PRKAR1A: variants seen among roughly 807,000 people sequenced by gnomAD.
The protein encoded by PRKAR1A is cAMP-dependent protein kinase type I-alpha regulatory subunit.
PRKAR1A carries 3 observed loss-of-function variants against 52.0 expected under a neutral mutation model. The ratio of observed to expected loss-of-function variants is 0.06; its 90% CI spans 0.03 to 0.15. The LOEUF (loss-of-function observed/expected upper bound fraction) is 0.15, where lower values mean the gene tolerates loss of function less well. Among genes scored for constraint, PRKAR1A ranks in the 10% least tolerant of loss-of-function variants. PRKAR1A has a pLI of 1.00. For missense variants in PRKAR1A, 240 were observed against 477.4 expected (o/e 0.50, Z 4.63); for synonymous variants, 188 against 168.4 (o/e 1.12, Z -0.90).
chr17:68,549,525 T>G (rs1258007946), intron 11 of PRKAR1A, among the ~76,000 whole-genome samples: 3 of 152,080 alleles, frequency 2.0e-5, no homozygotes, highest in African/African-American at 7.2e-5. Context: ...AGACATCCTA[T>G]TGTGCCACAT....
chr17:68,514,464 C>G (rs898961362), intron 1 of PRKAR1A, among the ~76,000 whole-genome samples: 1 of 152,112 alleles, frequency 6.6e-6, no homozygotes, highest in African/African-American at 2.4e-5. Context: ...ACTTTTAATT[C>G]TAGGGTAAGG....
downstream of PRKAR1A, chr17:68,537,126 A>C (rs1237465060): frequency 4.1e-6 from 2 of 484,392 alleles, no homozygotes; most frequent in Admixed American, 2.3e-5. The surrounding 1 kb of genome is among the most constrained non-coding windows in gnomAD (Gnocchi z 4.2). Context: ...TCAGGTATCC[A>C]CTTGATGTCC....
downstream of PRKAR1A, chr17:68,536,347 C>A (rs2086095697): frequency 2.2e-6 from 1 of 454,018 alleles, no homozygotes; most frequent in Admixed American, 2.4e-5. Context: ...GGAATGAAGA[C>A]CTTACTGTCC....
In PRKAR1A at chr17:68,533,092, C is replaced by T. The variant is rs2086020648; in HGVS notation, c.*2643C>T. 1.9e-6 allele frequency: 2 copies of T among 1,065,134 alleles called. No homozygotes were observed. Among genetic ancestry groups the T allele is most frequent in the Non-Finnish European group, 1.1e-6 (1 of 879,310 alleles). 66.0% of individuals were successfully genotyped at this position (1,065,134 alleles called of 1,614,324 possible). A position where few individuals can be genotyped will look rare whatever the true frequency, so the allele number is the denominator to read the frequency against. ...AACTTTCCCAGACTTAATGGGGAAA[C>T]ATCATTTCTAGATTAGCATACTCTT... is the stretch of plus-strand genomic sequence containing the variant. On this transcript the variant is annotated 3_prime_UTR_variant, in exon 11 of 11. Coordinates refer to ENST00000589228, the MANE Select transcript of PRKAR1A (RefSeq NM_002734.5).
chr17:68,514,060 G>C (rs368715350), intron 1 of PRKAR1A, among the ~76,000 whole-genome samples: 1 of 152,040 alleles, frequency 6.6e-6, no homozygotes. Context: ...AAGTAAATGC[G>C]CGTTTTTGTT....
the PRKAR1A span, among the ~76,000 whole-genome samples, chr17:68,486,053 C>T: frequency 6.6e-6 from 1 of 152,030 alleles, no homozygotes; most frequent in South Asian, 2.1e-4. Context: ...TTTCAGTGAT[C>T]GAGCCCCACA....
At chr17:68,453,275 A>G in the PRKAR1A span, among the ~76,000 whole-genome samples, 1 of 152,224 alleles carries the variant, frequency 6.6e-6, no homozygotes, top group African/African-American at 2.4e-5. Context: ...CAAATCTAGC[A>G]GACATGTTTT....
intron 2 of PRKAR1A, 31 bp downstream of exon 2, chr17:68,515,607 G>A (rs1396228408): frequency 1.3e-6 from 2 of 1,596,658 alleles, no homozygotes; most frequent in Non-Finnish European, 8.6e-7. Context: ...ATGATGAGGT[G>A]ATTGTGACAG....
chr17:68,459,287 G>A, the PRKAR1A span, among the ~76,000 whole-genome samples: 1 of 152,156 alleles, frequency 6.6e-6, no homozygotes, highest in African/African-American at 2.4e-5. Flanking sequence ...TTCTGTCCTG[G>A]TTAGAAAACC....
At chr17:68,540,676 G>A (rs2086246101) in intron 11 of PRKAR1A, 1 of 806,294 alleles carries the variant, frequency 1.2e-6, no homozygotes, top group Admixed American at 2.0e-5. Context: ...TTTGAAGAGA[G>A]GGGAGCCTGT....
chr17:68,527,041 C>T (rs1308130477), intron 7 of PRKAR1A, among the ~76,000 whole-genome samples: 1 of 152,208 alleles, frequency 6.6e-6, no homozygotes, highest in African/African-American at 2.4e-5. Context: ...ATTTCCTCTA[C>T]AGGAATACTA....
the PRKAR1A span, among the ~76,000 whole-genome samples, chr17:68,479,982 A>G: frequency 6.6e-6 from 1 of 152,200 alleles, no homozygotes; most frequent in African/African-American, 2.4e-5. Flanking sequence ...TGAGAACAGC[A>G]TAAGGGTGAC....
chr17:68,499,380 GAGA>G, the PRKAR1A span, among the ~76,000 whole-genome samples: 1 of 146,770 alleles, frequency 6.8e-6, no homozygotes, highest in Non-Finnish European at 1.5e-5. Flanking sequence ...GAGAGAGAGA[GAGA>G]GAGAGAGAGA....
the PRKAR1A span, chr17:68,421,813 A>G: frequency 6.2e-7 from 1 of 1,614,210 alleles, no homozygotes; most frequent in South Asian, 1.1e-5. Context: ...TCCACGGCAC[A>G]AGATTATCTA....
rs745980273 is a variant in PRKAR1A at position 68,522,753 on chromosome 17, C to T, written c.178-3C>T. The T allele has an allele frequency of 5.6e-6, 9 of 1,614,022 alleles. No individual in the cohort carries two copies. The African/African-American group carries it at 1.1e-4, about 19-fold the overall frequency. ...CATTTTGCAAACTCGTAATTTCTTT[C>T]AGGAGGAGGCAAAACAGATTCAGAA... On this transcript the variant is annotated splice_polypyrimidine_tract_variant and splice_region_variant and intron_variant, in intron 2 of 10. Coordinates refer to ENST00000589228, the MANE Select transcript of PRKAR1A (RefSeq NM_002734.5).
the PRKAR1A span, among the ~76,000 whole-genome samples, chr17:68,480,335 A>G: frequency 6.6e-6 from 1 of 152,120 alleles, no homozygotes; most frequent in South Asian, 2.1e-4. Flanking sequence ...GGCCTGAGTT[A>G]TGGGAAGGAC....
At chr17:68,544,163 C>G (rs1296614150) in intron 11 of PRKAR1A, among the ~76,000 whole-genome samples, 2 of 152,046 alleles carry the variant, frequency 1.3e-5, no homozygotes, top group Non-Finnish European at 2.9e-5. Context: ...AAAAGTGGCC[C>G]AGAAATGCAA....
the PRKAR1A span, chr17:68,435,837 C>T: frequency 2.8e-5 from 24 of 849,144 alleles, no homozygotes; most frequent in Admixed American, 5.1e-4. Flanking sequence ...TTCCTCTGTC[C>T]CCCAGGCCAT....
chr17:68,480,000 A>T, the PRKAR1A span, among the ~76,000 whole-genome samples: 1 of 152,334 alleles, frequency 6.6e-6, no homozygotes, highest in East Asian at 1.9e-4. Flanking sequence ...GACCACCCCC[A>T]GGATTCAATT....
Sources: allele counts gnomAD v4.1 joint callset (sites outside exome capture counted in the v4.1 genomes callset), GRCh38; gene constraint gnomAD v4.1.1; non-coding constraint Gnocchi (gnomAD v3.1); transcripts MANE v1.5; gene names NCBI Gene and HGNC (gene_info 2026-07-23, HGNC 2026-07-21).